The following HTT variants were observed in gnomAD, a reference collection of about 807,000 sequenced individuals.
The protein encoded by HTT is huntingtin.
Under a neutral mutation model 362.3 loss-of-function variants are expected in HTT, and 104 were observed. That is an observed-to-expected ratio of 0.29 (90% CI 0.24 to 0.34). The LOEUF (loss-of-function observed/expected upper bound fraction) is 0.34, where lower values mean the gene tolerates loss of function less well. HTT is among the 10% of genes least tolerant of loss of function. The pLI is 1.00. For synonymous variants in HTT, 1,577 were observed against 1,548.7 expected, an observed-to-expected ratio of 1.02 and a Z score of -0.43; for missense variants, 3,301 against 3,928.6, an observed-to-expected ratio of 0.84 and a Z score of 4.27.
Position 3,225,647 on chromosome 4 carries a change from G to T in HTT, c.7766-14G>T, listed in dbSNP as rs1444126153. ...CCCTGTGCAGATCAAGACTCAGGGTGCTGGTGTTCACAGGTGCCCTCATCA... is the reference window on the plus strand; with the variant it reads ...CCCTGTGCAGATCAAGACTCAGGGTTCTGGTGTTCACAGGTGCCCTCATCA... On this transcript the variant is annotated splice_polypyrimidine_tract_variant and intron_variant, in intron 56 of 66. Coordinates refer to ENST00000355072, the MANE Select transcript of HTT (RefSeq NM_001388492.1). The T allele has an allele frequency of 1.2e-6, 2 of 1,612,546 alleles. No individual in the cohort carries two copies. Among genetic ancestry groups the T allele is most frequent in the African/African-American group, 2.7e-5 (2 of 74,910 alleles).
At position 3,166,254 on chromosome 4, in the gene HTT, G is replaced by A. The variant is rs534692442; in HGVS notation, c.3864+5862G>A. 1.7e-4 allele frequency among the ~76,000 whole-genome samples: 26 copies of A among 152,314 alleles called. 1 individual carries two copies. Among genetic ancestry groups the A allele is most frequent in the African/African-American group, 6.3e-4 (26 of 41,582 alleles). On this transcript the variant is annotated intron_variant, in intron 29 of 66. Coordinates refer to ENST00000355072, the MANE Select transcript of HTT (RefSeq NM_001388492.1). ...CATCACCAGCAGAGGCTGCAGAACA[G>A]CAAATATTGCTGCCTGATCCTTCCT...
At chr4:3,133,243 G>T (rs1715905068) in intron 18 of HTT, among the ~76,000 whole-genome samples, 1 of 151,832 alleles carries the variant, frequency 6.6e-6, no homozygotes, top group African/African-American at 2.4e-5. Context: ...GACCACTTTG[G>T]GAGGCCAAGG....
Position 3,217,785 on chromosome 4 carries a change from G to T in HTT, c.7075G>T (p.Ala2359Ser). ...NTQNPKYITA[A>S]CEMVAEMVES... ...TTTAGATCCTAAGTATATCACTGCA[G>T]CCTGTGAGATGGTGGCAGAAATGGT... The change falls in exon 52 of 67, where the codon GCC (alanine) becomes TCC (serine). Residue 2359 changes from alanine to serine, a missense_variant. Around this residue, in one of 4 missense-constraint regions of HTT, gnomAD observed 220 missense variants for 218.5 expected, o/e 1.01. Coordinates refer to ENST00000355072, the MANE Select transcript of HTT (RefSeq NM_001388492.1). The T allele has an allele frequency of 1.2e-6, 2 of 1,613,872 alleles. No individual in the cohort carries two copies. Among genetic ancestry groups the T allele is most frequent in the Non-Finnish European group, 1.7e-6 (2 of 1,179,850 alleles).
chr4:3,235,287 C>T lies in HTT; in HGVS notation c.8460C>T (p.Cys2820=), dbSNP rs748218633. ...LLSNLKGIAH[C]VNIHSQQHVL... Reference sequence around the variant, plus strand: ...GGATGCTGTCTCCCGTTTTCAGCTGCGTGAACATTCACAGCCAGCAGCACG... The same window carrying T: ...GGATGCTGTCTCCCGTTTTCAGCTGTGTGAACATTCACAGCCAGCAGCACG... Residue 2820 remains cysteine, a synonymous_variant, in exon 62 of 67, where the codon TGC becomes TGT. Transcript: ENST00000355072. 6 of 1,609,428 alleles carry T rather than the reference C, an allele frequency of 3.7e-6. No homozygotes were observed. The highest frequency in any genetic ancestry group is 2.2e-5 in the East Asian group (1 of 44,860).
At chr4:3,208,014 C>G (rs1044962283) in intron 45 of HTT, among the ~76,000 whole-genome samples, 5 of 152,116 alleles carry the variant, frequency 3.3e-5, no homozygotes, top group African/African-American at 1.2e-4. Context: ...ATGCTGTGTA[C>G]TTTGAGCTGA....
chr4:3,081,675 G>A (rs1712917093), intron 1 of HTT, among the ~76,000 whole-genome samples: 1 of 148,136 alleles, frequency 6.8e-6, no homozygotes, highest in Admixed American at 6.9e-5. Flanking sequence ...TCTCCTGCAC[G>A]GCCTCCCTAG....
At chr4:3,195,046 T>G (rs1350737947) in intron 40 of HTT, among the ~76,000 whole-genome samples, 1 of 152,216 alleles carries the variant, frequency 6.6e-6, no homozygotes, top group Non-Finnish European at 1.5e-5. Flanking sequence ...CCAAGCATTC[T>G]TTCTTGCCCA....
rs932335378 is a variant in HTT at position 3,172,527 on chromosome 4, T to C, written c.3942+130T>C. On this transcript the variant is annotated intron_variant, in intron 30 of 66. Coordinates refer to ENST00000355072, the MANE Select transcript of HTT (RefSeq NM_001388492.1). ...GATTGTGGGGTCCAGCGCAGCACTT[T>C]TTGGCTCAGTCCATGATTGAGCCAA... The C allele has an allele frequency of 4.1e-6, 3 of 740,452 alleles. No individual in the cohort carries two copies. In the African/African-American group the frequency reaches 5.2e-5, roughly 13 times the overall value. The allele number at this position is 740,452 out of a possible 1,614,324, so 45.9% of individuals were successfully genotyped here. A position where few individuals can be genotyped will look rare whatever the true frequency, so the allele number is the denominator to read the frequency against.
chr4:3,211,661 A>G (rs955505839), intron 47 of HTT, among the ~76,000 whole-genome samples: 1 of 152,198 alleles, frequency 6.6e-6, no homozygotes, highest in Non-Finnish European at 1.5e-5. Flanking sequence ...ATTTCAAGCA[A>G]ATCCAAGAGC....
At chr4:3,159,091 G>A (rs942860029) in intron 28 of HTT, among the ~76,000 whole-genome samples, 1 of 152,142 alleles carries the variant, frequency 6.6e-6, no homozygotes, top group African/African-American at 2.4e-5. Flanking sequence ...TTTGAGTATT[G>A]CCTCTGGTTT....
intron 2 of HTT, among the ~76,000 whole-genome samples, chr4:3,095,176 G>A (rs1254510642): frequency 3.9e-5 from 6 of 152,234 alleles, no homozygotes; most frequent in African/African-American, 7.2e-5. Context: ...CAAGGCAGGC[G>A]GCTGGGAGGT....
rs532673495 is a variant in HTT at position 3,235,889 on chromosome 4, G to A, written c.8785+111G>A. On this transcript the variant is annotated intron_variant, in intron 63 of 66. Transcript: ENST00000355072. ...GGTGCCCTCTGATTTCACACTTCTG[G>A]TGTTGCCCCAAGCCGGCCCCATCAC... 4.5e-6 allele frequency: 4 copies of A among 890,974 alleles called. No homozygotes were observed. The South Asian group carries it at 6.0e-5, about 13-fold the overall frequency. 55.2% of individuals were successfully genotyped at this position (890,974 alleles called of 1,614,324 possible). A position where few individuals can be genotyped will look rare whatever the true frequency, so the allele number is the denominator to read the frequency against.
intron 6 of HTT, 136 bp downstream of exon 6, chr4:3,107,559 C>T: frequency 2.5e-6 from 2 of 794,796 alleles, no homozygotes; most frequent in Non-Finnish European, 4.0e-6. Context: ...AGACTACCAT[C>T]ATTTGTGTTA....
intron 21 of HTT, among the ~76,000 whole-genome samples, 153 bp from the exon 22 acceptor site, chr4:3,140,357 G>A (rs1325494252): frequency 6.6e-6 from 1 of 152,178 alleles, no homozygotes; most frequent in Non-Finnish European, 1.5e-5. Flanking sequence ...ACGCTGTCAC[G>A]TGCTTGAAGA....
chr4:3,113,796 G>A (rs1335237487), intron 6 of HTT, among the ~76,000 whole-genome samples: 1 of 151,766 alleles, frequency 6.6e-6, no homozygotes, highest in Non-Finnish European at 1.5e-5. Context: ...CTCCTTGTCA[G>A]GGAGTCCTGT....
At chr4:3,171,627 G>A (rs546903592) in intron 29 of HTT, among the ~76,000 whole-genome samples, 20 of 152,104 alleles carry the variant, frequency 1.3e-4, no homozygotes, top group Middle Eastern at 6.8e-3. Context: ...ACAGGTGTGC[G>A]CCACCACGCC....
intron 61 of HTT, among the ~76,000 whole-genome samples, chr4:3,234,098 T>G (rs1721400722): frequency 6.6e-6 from 1 of 152,174 alleles, no homozygotes; most frequent in South Asian, 2.1e-4. Flanking sequence ...GTGATCCCCT[T>G]TGACAAGTGG....
intron 24 of HTT, among the ~76,000 whole-genome samples, chr4:3,145,764 G>A (rs1241999283): frequency 6.6e-6 from 1 of 152,204 alleles, no homozygotes; most frequent in Non-Finnish European, 1.5e-5. Flanking sequence ...TGATTTTGGT[G>A]ACTCACATCA....
chr4:3,087,917 C>T (rs1410718457), intron 2 of HTT, among the ~76,000 whole-genome samples: 3 of 152,010 alleles, frequency 2.0e-5, no homozygotes, highest in Non-Finnish European at 4.4e-5. Flanking sequence ...ATGGCGTGAT[C>T]TCGGCTCACT....
Sources: allele counts gnomAD v4.1 joint callset (sites outside exome capture counted in the v4.1 genomes callset), GRCh38; gene constraint gnomAD v4.1.1; regional missense constraint gnomAD v4.1.1; transcripts MANE v1.5; gene names NCBI Gene and HGNC (gene_info 2026-07-23, HGNC 2026-07-21).